SLC37A1: variants seen among roughly 807,000 people sequenced by gnomAD.
The protein encoded by SLC37A1 is glucose-6-phosphate exchanger SLC37A1.
Under a neutral mutation model 75.3 loss-of-function variants are expected in SLC37A1, and 49 were observed. The ratio of observed to expected loss-of-function variants is 0.65; its 90% CI spans 0.52 to 0.83. The LOEUF (loss-of-function observed/expected upper bound fraction) is 0.83. Ranked by LOEUF, SLC37A1 falls within the 40% of genes least tolerant of loss-of-function variation. The pLI, the probability that SLC37A1 is intolerant of heterozygous loss-of-function variation, is 0.00. For synonymous variants in SLC37A1, 268 were observed against 292.1 expected (o/e 0.92, Z 0.84); for missense variants, 566 against 695.0 (o/e 0.81, Z 2.09).
At chr21:42,530,655 C>CACACACACACACACACA (rs1491531929) in intron 3 of SLC37A1, among the ~76,000 whole-genome samples, 10 of 25,888 alleles carry the variant, frequency 3.9e-4, no homozygotes, top group Non-Finnish European at 8.0e-4. Context: ...CACACACACA[C>CACACACACACACACACA]CCCCTCTGTG....
intron 17 of SLC37A1, among the ~76,000 whole-genome samples, chr21:42,570,392 C>T (rs1203164457): frequency 1.3e-5 from 2 of 152,344 alleles, no homozygotes; most frequent in African/African-American, 2.4e-5. Flanking sequence ...AGACCAGCCT[C>T]GTCTCTGCCC....
At chr21:42,525,159 G>A (rs997494173) in intron 2 of SLC37A1, among the ~76,000 whole-genome samples, 3 of 152,234 alleles carry the variant, frequency 2.0e-5, no homozygotes, top group Non-Finnish European at 2.9e-5. Flanking sequence ...CCCATACCTC[G>A]CCCTGTGCAT....
chr21:42,534,573 G>T, intron 3 of SLC37A1, 125 bp from the exon 4 acceptor site: 1 of 1,188,332 alleles, frequency 8.4e-7, no homozygotes. Flanking sequence ...CTCTTAGAAT[G>T]CAGGGTGCAG....
chr21:42,568,373 G>C lies in SLC37A1; in HGVS notation c.1358G>C (p.Ser453Thr), dbSNP rs201760065. The change falls in exon 17 of 20, where the codon AGT becomes ACT. Residue 453 changes from serine to threonine, a missense_variant. Ser to Thr is a moderately conservative substitution (Grantham distance 58). Transcript: ENST00000352133. ...CCTCTCTTCTAGGGGACTCATAAAAGTCTGAAAGGCAACGCGCACGCCCTC... is the reference window on the plus strand; with the variant it reads ...CCTCTCTTCTAGGGGACTCATAAAACTCTGAAAGGCAACGCGCACGCCCTC... ...AVSADLGTHK[S>T]LKGNAHALST... The C allele has an allele frequency of 1.9e-6, 3 of 1,614,100 alleles. No individual in the cohort carries two copies. Among genetic ancestry groups the C allele is most frequent in the Non-Finnish European group, 2.5e-6 (3 of 1,179,988 alleles).
At position 42,548,664 on chromosome 21, in the gene SLC37A1, A is replaced by G. The variant is rs1278356426; in HGVS notation, c.768+1524A>G. Among the ~76,000 whole-genome samples, 1 of 152,066 alleles carries G rather than the reference A, an allele frequency of 6.6e-6. No homozygotes were observed. Among genetic ancestry groups the G allele is most frequent in the East Asian group, 1.9e-4 (1 of 5,194 alleles). On this transcript the variant is annotated intron_variant, in intron 9 of 19. Coordinates refer to ENST00000352133, the MANE Select transcript of SLC37A1 (RefSeq NM_001320537.2). The surrounding 1 kb of genome is among the most constrained non-coding windows in gnomAD (Gnocchi z 5.6). ...TTGCTCCCCAGAATCTCTTCTTCAC[A>G]CCGCACTTGCAGAGACTGTATTGAT...
At position 42,567,025 on chromosome 21, in the gene SLC37A1, C is replaced by G; in HGVS notation, c.1311C>G (p.Tyr437Ter). The G allele has an allele frequency of 1.2e-6, 2 of 1,609,270 alleles. No individual in the cohort carries two copies. Among genetic ancestry groups the G allele is most frequent in the Non-Finnish European group, 1.7e-6 (2 of 1,179,948 alleles). Residue 437 changes from tyrosine (Y) to a stop codon, truncating the protein, a stop_gained, in exon 16 of 20, where the codon TAC becomes TAG. Coordinates refer to ENST00000352133, the MANE Select transcript of SLC37A1 (RefSeq NM_001320537.2). LOFTEE classifies it high-confidence loss of function. The part of the protein sequence containing the change: ...LLSGALVSGP[Y>*]TLITTAVSAD... The stretch of plus-strand genomic sequence containing the variant: ...GCGGAGCCCTGGTCAGTGGGCCCTA[C>G]ACACTCATCACCACCGCCGTCTCCG...
chr21:42,534,590 TG>T, intron 3 of SLC37A1, 107 bp from the exon 4 acceptor site: 1 of 1,406,242 alleles, frequency 7.1e-7, no homozygotes, highest in Non-Finnish European at 9.6e-7. Context: ...GCAGGTGCCC[TG>T]GGCAGGCTGC....
chr21:42,564,055 C>A (rs2055906702), intron 13 of SLC37A1, among the ~76,000 whole-genome samples, 178 bp downstream of exon 13: 1 of 152,062 alleles, frequency 6.6e-6, no homozygotes, highest in African/African-American at 2.4e-5. Flanking sequence ...CGTCCCTCCC[C>A]AGGGCCCTGA....
At chr21:42,537,458 T>G (rs1228886871) in intron 5 of SLC37A1, among the ~76,000 whole-genome samples, 1 of 152,256 alleles carries the variant, frequency 6.6e-6, no homozygotes, top group African/African-American at 2.4e-5. Context: ...TCTCAGTTAC[T>G]GGAAAACTGC....
Position 42,564,791 on chromosome 21 carries a change from A to G in SLC37A1, c.1219A>G (p.Thr407Ala), listed in dbSNP as rs143967583. The change falls in exon 14 of 20, where the codon ACG (threonine) becomes GCG (alanine). Residue 407 changes from threonine (T) to alanine (A), a missense_variant and splice_region_variant. By Grantham distance (58) the Thr-to-Ala change is moderately conservative. Transcript: ENST00000352133. ...CCTGATGCTGCTGCTCGCGGCCCCC[A>G]CGGTCAGCCGTGCTGCCTTCCCTGG... is the stretch of plus-strand genomic sequence containing the variant. The part of the protein sequence containing the change: ...CGLMLLLAAP[T>A]LYIFSTVSKM... 6.0e-4 allele frequency: 962 copies of G among 1,604,238 alleles called. 1 individual carries two copies. The highest frequency in any genetic ancestry group is 7.8e-4 in the Non-Finnish European group (921 of 1,179,844).
rs1025382426 is a variant in SLC37A1 at position 42,579,747 on chromosome 21, C to T, written c.1533C>T (p.Arg511=). The T allele has an allele frequency of 4.3e-6, 7 of 1,614,046 alleles. No homozygotes were observed. The highest frequency in any genetic ancestry group is 1.6e-4 in the Middle Eastern group (1 of 6,082). ...ADACALLFLI[R]LIHKELSCPG... The stretch of plus-strand genomic sequence containing the variant: ...TTGTTTTGGTGCAGTTCCTGATCCG[C>T]CTCATACACAAGGAGCTGAGCTGCC... Residue 511 remains arginine (R), a synonymous_variant, in exon 19 of 20, where the codon CGC becomes CGT. Coordinates refer to ENST00000352133, the MANE Select transcript of SLC37A1 (RefSeq NM_001320537.2).
intron 18 of SLC37A1, among the ~76,000 whole-genome samples, chr21:42,577,316 A>G (rs1232338729): frequency 6.6e-6 from 1 of 152,238 alleles, no homozygotes; most frequent in Non-Finnish European, 1.5e-5. Flanking sequence ...CCAGCTGGGA[A>G]TGGTTTATAT....
chr21:42,572,517 ATTC>A (rs2056201847), intron 17 of SLC37A1, among the ~76,000 whole-genome samples: 1 of 148,116 alleles, frequency 6.8e-6, no homozygotes, highest in Non-Finnish European at 1.5e-5. Context: ...TCTCAGGGAG[ATTC>A]TTGACTGTAT....
chr21:42,531,899 G>A (rs1027380351), intron 3 of SLC37A1, among the ~76,000 whole-genome samples: 1 of 152,218 alleles, frequency 6.6e-6, no homozygotes, highest in Non-Finnish European at 1.5e-5. Flanking sequence ...GGGTGCGGGT[G>A]AAGGTGACCT....
At chr21:42,572,657 G>A (rs1252437595) in intron 17 of SLC37A1, among the ~76,000 whole-genome samples, 8 of 117,646 alleles carry the variant, frequency 6.8e-5, no homozygotes, top group Admixed American at 6.7e-4. Flanking sequence ...ATTGATAACA[G>A]GTTTTCAGCC....
chr21:42,534,739 C>T lies in SLC37A1; in HGVS notation c.180C>T (p.Asp60=), dbSNP rs769589128. ...HKYCTAWDEA[D]VRFSSQNRKS... is the part of the protein sequence containing the mutation. ...ACTGCACTGCTTGGGATGAAGCTGA[C>T]GTCAGGTTCAGCAGCCAGAACAGGA... Residue 60 remains aspartate (D), a synonymous_variant, in exon 4 of 20, where the codon GAC becomes GAT. Transcript: ENST00000352133. 4.3e-6 allele frequency: 7 copies of T among 1,613,990 alleles called. No homozygotes were observed. Among genetic ancestry groups the T allele is most frequent in the East Asian group, 4.5e-5 (2 of 44,864 alleles).
In SLC37A1 at chr21:42,558,982, C is replaced by T; in HGVS notation, c.874C>T (p.Leu292Phe). 1.9e-6 allele frequency: 3 copies of T among 1,613,938 alleles called. No homozygotes were observed. The South Asian group carries it at 3.3e-5, about 18-fold the overall frequency. Residue 292 changes from leucine to phenylalanine, a missense_variant, in exon 11 of 20, where the codon CTC becomes TTC. Transcript: ENST00000352133. ...GGACCCAGAGATGCAGTGCCTGCTG[C>T]TCTCAGATGGGAAGGGCTCCATCCA... ...PLDPEMQCLL[L>F]SDGKGSIHPN...
Position 42,580,060 on chromosome 21 carries a change from G to A in SLC37A1, c.1586+260G>A, listed in dbSNP as rs563940977. On this transcript the variant is annotated intron_variant, in intron 19 of 19. Coordinates refer to ENST00000352133, the MANE Select transcript of SLC37A1 (RefSeq NM_001320537.2). ...CATTCTGTTGGAGCTGCAGCCCCCC[G>A]AGCTCTCCTTGCCTTCCTGCTCGCC... Among the ~76,000 whole-genome samples the A allele has an allele frequency of 3.3e-5, 5 of 151,810 alleles. No individual in the cohort carries two copies. The South Asian group carries it at 6.3e-4, about 19-fold the overall frequency.
chr21:42,547,216 T>TGCG lies in SLC37A1; in HGVS notation c.768+78_768+80dup. 6.5e-7 allele frequency: 1 copy of TGCG among 1,539,338 alleles called. No homozygotes were observed. ...CACTTCCCCAGCCTGCTCCTGCCTG[T>TGCG]GCGGTGTCAGACAGAAACACACAGG... On this transcript the variant is annotated intron_variant, in intron 9 of 19. Coordinates refer to ENST00000352133, the MANE Select transcript of SLC37A1 (RefSeq NM_001320537.2). This position sits in a 1 kb window ranked among gnomAD's most constrained non-coding sequence, Gnocchi z 6.1.
Sources: gnomAD v4.1 joint callset for allele counts (sites outside exome capture counted in the v4.1 genomes callset) on GRCh38, gnomAD v4.1.1 for gene constraint, Gnocchi (gnomAD v3.1) non-coding constraint, MANE v1.5 for transcripts, NCBI Gene and HGNC (gene_info 2026-07-23, HGNC 2026-07-21) for gene names.